The following ADGRA3 variants were observed in gnomAD, a reference collection of about 807,000 sequenced individuals.
The protein encoded by ADGRA3 is G-protein coupled receptor 125.
In ADGRA3, 56 loss-of-function variants were observed where a neutral mutation model predicts 119.8. The observed-to-expected ratio is 0.47, with a 90% CI of 0.38 to 0.58. The LOEUF is 0.58. Among genes scored for constraint, ADGRA3 ranks in the 20% least tolerant of loss-of-function variants. ADGRA3 has a pLI of 0.00. For missense variants in ADGRA3, 1,516 were observed against 1,649.0 expected (o/e 0.92, Z 1.40); for synonymous variants, 607 against 623.8 (o/e 0.97, Z 0.40).
intron 12 of ADGRA3, among the ~76,000 whole-genome samples, chr4:22,417,112 C>T (rs1305718535): frequency 5.9e-5 from 9 of 152,150 alleles, no homozygotes; most frequent in Admixed American, 5.2e-4. Context: ...TATAATATCT[C>T]CTAATTATTT....
intron 1 of ADGRA3, among the ~76,000 whole-genome samples, chr4:22,492,370 T>C (rs2126631): frequency 0.98 from 149,817 of 152,308 alleles, 73,734 homozygotes; most frequent in Middle Eastern, 1. Context: ...AACTTGACTG[T>C]AACTCACCGT....
At chr4:22,452,290 T>C (rs1422831550) in intron 4 of ADGRA3, among the ~76,000 whole-genome samples, 1 of 152,152 alleles carries the variant, frequency 6.6e-6, no homozygotes, top group Non-Finnish European at 1.5e-5. Context: ...ATGAGATTAA[T>C]GGGTATAATG....
rs761129762 is a variant in ADGRA3 at position 22,388,869 on chromosome 4, G to A, written c.2802C>T (p.Tyr934=). The A allele has an allele frequency of 6.2e-7, 1 of 1,614,078 alleles. No individual in the cohort carries two copies. The highest frequency in any genetic ancestry group is 1.1e-5 in the South Asian group (1 of 91,082). ...TCAACTGAATAAATATGCTCAGAAA[G>A]TACATGCAGTTTACAAAAGTGATGA... ...ASFITFVNCM[Y]FLSIFIQLKR... Residue 934 remains tyrosine (Y), a synonymous_variant, in exon 19 of 19, where the codon TAC becomes TAT. Coordinates refer to ENST00000334304, the MANE Select transcript of ADGRA3 (RefSeq NM_145290.4).
intron 1 of ADGRA3, among the ~76,000 whole-genome samples, chr4:22,484,128 C>A (rs551189733): frequency 6.6e-6 from 1 of 151,792 alleles, no homozygotes; most frequent in African/African-American, 2.4e-5. Flanking sequence ...TTACAATGCA[C>A]GCAATATACC....
intron 10 of ADGRA3, among the ~76,000 whole-genome samples, chr4:22,430,487 G>C (rs1378048306): frequency 6.6e-6 from 1 of 152,136 alleles, no homozygotes; most frequent in Non-Finnish European, 1.5e-5. Flanking sequence ...CCCTGCTCTA[G>C]AGATTTGTGG....
At chr4:22,434,373 T>C (rs1716311556) in intron 10 of ADGRA3, among the ~76,000 whole-genome samples, 1 of 152,026 alleles carries the variant, frequency 6.6e-6, no homozygotes, top group Non-Finnish European at 1.5e-5. Context: ...TAGCCCAGTG[T>C]TTTCCTCACA....
At chr4:22,515,329 A>G in intron 1 of ADGRA3, 199 bp downstream of exon 1, 3 of 504,096 alleles carry the variant, frequency 6.0e-6, no homozygotes, top group Non-Finnish European at 9.5e-6. Context: ...TGGAGCTGGG[A>G]GGCAGCTCGG....
intron 12 of ADGRA3, among the ~76,000 whole-genome samples, chr4:22,415,986 T>G (rs1362976159): frequency 1.3e-5 from 2 of 152,106 alleles, no homozygotes; most frequent in Non-Finnish European, 2.9e-5. Flanking sequence ...GCAGGTTCCC[T>G]GAGATATAGA....
chr4:22,509,395 C>T lies in ADGRA3; in HGVS notation c.257+6133G>A, dbSNP rs144220138. Reference sequence around the variant, plus strand: ...GCGTGCACCTGTAATCCCAGCTACTCGGGGCGCTGAGGCAGGAGAATCGCT... The same window carrying T: ...GCGTGCACCTGTAATCCCAGCTACTTGGGGCGCTGAGGCAGGAGAATCGCT... On this transcript the variant is annotated intron_variant, in intron 1 of 18. Transcript: ENST00000334304. 6.6e-3 allele frequency among the ~76,000 whole-genome samples: 1,006 copies of T among 151,592 alleles called. 9 individuals are homozygous for T. The highest frequency in any genetic ancestry group is 0.023 in the African/African-American group (958 of 41,302).
At chr4:22,508,029 G>C (rs28571781) in intron 1 of ADGRA3, among the ~76,000 whole-genome samples, 3,001 of 152,240 alleles carry the variant, frequency 0.02, 105 homozygotes, top group African/African-American at 0.067. Flanking sequence ...CCACGTAGTC[G>C]TATCTCTGTT....
intron 1 of ADGRA3, among the ~76,000 whole-genome samples, chr4:22,508,909 T>C (rs1719337552): frequency 6.6e-6 from 1 of 152,188 alleles, no homozygotes; most frequent in African/African-American, 2.4e-5. Context: ...CCTGCCTAGA[T>C]ATCTTTGAGA....
intron 1 of ADGRA3, among the ~76,000 whole-genome samples, chr4:22,515,052 G>A (rs1719590935): frequency 6.6e-6 from 1 of 152,212 alleles, no homozygotes; most frequent in South Asian, 2.1e-4. Flanking sequence ...CAAAGGAAGC[G>A]TCTTGGGGTT....
intron 12 of ADGRA3, chr4:22,414,369 AAAAT>A: frequency 2.5e-6 from 1 of 394,558 alleles, no homozygotes. Context: ...TTAGAAAAAA[AAAAT>A]AATAACACAT....
At chr4:22,457,708 A>T (rs933983397) in intron 3 of ADGRA3, among the ~76,000 whole-genome samples, 2 of 152,238 alleles carry the variant, frequency 1.3e-5, no homozygotes, top group Non-Finnish European at 2.9e-5. Flanking sequence ...TGCTTGAGAG[A>T]TTATTTACTG....
intron 13 of ADGRA3, 76 bp from the exon 14 acceptor site, chr4:22,413,466 T>A: frequency 2.1e-6 from 3 of 1,401,500 alleles, no homozygotes; most frequent in Non-Finnish European, 3.0e-6. Context: ...TCTACAGTAA[T>A]GGGTACTCTG....
At chr4:22,418,053 G>T (rs1715498566) in intron 12 of ADGRA3, among the ~76,000 whole-genome samples, 1 of 152,258 alleles carries the variant, frequency 6.6e-6, no homozygotes, top group South Asian at 2.1e-4. Flanking sequence ...CTCAGTAAAA[G>T]TAAAGTAGTT....
chr4:22,461,721 C>T lies in ADGRA3; in HGVS notation c.401+16G>A. 6.5e-7 allele frequency: 1 copy of T among 1,548,340 alleles called. No individual in the cohort carries two copies. The highest frequency in any genetic ancestry group is 8.9e-7 in the Non-Finnish European group (1 of 1,127,916). The stretch of plus-strand genomic sequence containing the variant: ...GCAACAATTCAAACTCGTAAGCAAG[C>T]AATTCAAACACTTACAATCTTTTTA... On this transcript the variant is annotated intron_variant, in intron 3 of 18. Transcript: ENST00000334304.
intron 7 of ADGRA3, among the ~76,000 whole-genome samples, chr4:22,441,675 A>T (rs879889131): frequency 2.0e-4 from 30 of 152,164 alleles, no homozygotes; most frequent in Non-Finnish European, 3.7e-4. Flanking sequence ...TACTTTTTTA[A>T]AAAGAAGAAA....
intron 1 of ADGRA3, among the ~76,000 whole-genome samples, chr4:22,508,803 C>T (rs1719333696): frequency 2.6e-5 from 4 of 152,158 alleles, no homozygotes; most frequent in Admixed American, 2.6e-4. Flanking sequence ...CAAAAAGATC[C>T]TCCCTGCTGA....
Sources: gnomAD v4.1 joint callset for allele counts (sites outside exome capture counted in the v4.1 genomes callset) on GRCh38, gnomAD v4.1.1 for gene constraint, MANE v1.5 for transcripts, NCBI Gene and HGNC (gene_info 2026-07-23, HGNC 2026-07-21) for gene names.